ITPKA: variants seen among roughly 807,000 people sequenced by gnomAD.
The protein encoded by ITPKA is inositol-trisphosphate 3-kinase A.
In ITPKA, 16 loss-of-function variants were observed where a neutral mutation model predicts 40.7. The observed-to-expected ratio is 0.39, with a 90% confidence interval of 0.27 to 0.60. ITPKA has a LOEUF of 0.60. ITPKA is among the 20% of genes least tolerant of loss of function. The probability of loss-of-function intolerance (pLI) is 0.50; values close to 1 mark genes in which losing one functional copy is unlikely to be tolerated. For missense variants in ITPKA, 540 were observed against 649.3 expected, an observed-to-expected ratio of 0.83 and a Z score of 1.83; for synonymous variants, 313 against 289.9, an observed-to-expected ratio of 1.08 and a Z score of -0.81.
chr15:41,495,306 C>T (rs1240694436), intron 1 of ITPKA, among the ~76,000 whole-genome samples: 1 of 152,230 alleles, frequency 6.6e-6, no homozygotes, highest in Non-Finnish European at 1.5e-5. Flanking sequence ...TTCTTTAGAT[C>T]CACGTTTCGC....
At position 41,502,956 on chromosome 15, in the gene ITPKA, C is replaced by A; in HGVS notation, c.1183-7C>A. 6.3e-7 allele frequency: 1 copy of A among 1,596,936 alleles called. No homozygotes were observed. Among genetic ancestry groups the A allele is most frequent in the Non-Finnish European group, 8.5e-7 (1 of 1,170,494 alleles). ...AGGGCCGCGGCCTGACGGTGCGGGG[C>A]TCGCAGGTGATCGGCAGCTCGCTCC... is the stretch of plus-strand genomic sequence containing the variant. On this transcript the variant is annotated splice_region_variant and splice_polypyrimidine_tract_variant and intron_variant, in intron 6 of 6. Coordinates refer to ENST00000260386, the MANE Select transcript of ITPKA (RefSeq NM_002220.3).
chr15:41,501,825 T>C lies in ITPKA; in HGVS notation c.777T>C (p.Cys259=), dbSNP rs922414790. ...QDLLDGFDGP[C]VLDCKMGVRT... ...TGCTCGATGGCTTCGACGGACCTTG[T>C]GTGCTCGACTGCAAAATGGGCGTCA... The change falls in exon 3 of 7, where the codon TGT becomes TGC. Residue 259 remains cysteine, a synonymous_variant. Coordinates refer to ENST00000260386, the MANE Select transcript of ITPKA (RefSeq NM_002220.3). 2 of 1,613,296 alleles carry C rather than the reference T, an allele frequency of 1.2e-6. No individual in the cohort carries two copies. Among genetic ancestry groups the C allele is most frequent in the Non-Finnish European group, 1.7e-6 (2 of 1,179,820 alleles).
In ITPKA at chr15:41,493,908, G is replaced by T. The variant is rs2051050862; in HGVS notation, c.-20G>T. The T allele has an allele frequency of 3.0e-6, 3 of 1,006,722 alleles. No homozygotes were observed. Among genetic ancestry groups the T allele is most frequent in the South Asian group, 9.1e-5 (2 of 22,006 alleles). The allele number at this position is 1,006,722 out of a possible 1,614,324, so 62.4% of individuals were successfully genotyped here. ...CGCGCCGCGGGCTGGTGGGCTCAGC[G>T]GCGGCGCCGGCACTGGGAAATGACC... On this transcript the variant is annotated 5_prime_UTR_variant, in exon 1 of 7. Coordinates refer to ENST00000260386, the MANE Select transcript of ITPKA (RefSeq NM_002220.3).
At position 41,502,772 on chromosome 15, in the gene ITPKA, AC is replaced by A. The variant is rs1286849759; in HGVS notation, c.1111-12del. On this transcript the variant is annotated splice_polypyrimidine_tract_variant and intron_variant, in intron 5 of 6. Transcript: ENST00000260386. ...TTTAGTTAATTTGCCCTCCTCTCCC[AC>A]CCCACCCTCTGCAGAGGCGGTATCT... 2 of 1,595,458 alleles carry A rather than the reference AC, an allele frequency of 1.3e-6. No individual in the cohort carries two copies.
chr15:41,503,169 CTG>C lies in ITPKA; in HGVS notation c.*4_*5del. 1 of 1,573,748 alleles carries C rather than the reference CTG, an allele frequency of 6.4e-7. No individual in the cohort carries two copies. The highest frequency in any genetic ancestry group is 8.7e-7 in the Non-Finnish European group (1 of 1,152,524). On this transcript the variant is annotated 3_prime_UTR_variant, in exon 7 of 7. Transcript: ENST00000260386. The stretch of plus-strand genomic sequence containing the variant: ...TGGCCAGCCTGGCTGAGAGATGAGG[CTG>C]GACTCCTGTCCCCGCGGGCCGCTCA...
Position 41,503,384 on chromosome 15 carries a change from T to G in ITPKA, c.*218T>G, listed in dbSNP as rs1269203082. On this transcript the variant is annotated 3_prime_UTR_variant, in exon 7 of 7. Coordinates refer to ENST00000260386, the MANE Select transcript of ITPKA (RefSeq NM_002220.3). ...CCCAGAGCCAAATGACACTAACTTA[T>G]AGAAGGGGAGGGGGCAAAGGGCTTC... 13 of 585,142 alleles carry G rather than the reference T, an allele frequency of 2.2e-5. No individual in the cohort carries two copies. Among genetic ancestry groups the G allele is most frequent in the Middle Eastern group, 3.6e-4 (1 of 2,782 alleles). The allele number at this position is 585,142 out of a possible 1,614,324, so 36.2% of individuals were successfully genotyped here. A position where few individuals can be genotyped will look rare whatever the true frequency, so the allele number is the denominator to read the frequency against.
At position 41,503,298 on chromosome 15, in the gene ITPKA, C is replaced by G. The variant is rs2051137089; in HGVS notation, c.*132C>G. On this transcript the variant is annotated 3_prime_UTR_variant, in exon 7 of 7. Transcript: ENST00000260386. ...TCACCGGGTCCTGCAGGACCAGGTG[C>G]CAGCCACTAAGGGGGGGCACCGCCG... The G allele has an allele frequency of 4.3e-6, 3 of 702,766 alleles. No individual in the cohort carries two copies. In the South Asian group the frequency reaches 5.8e-5, roughly 14 times the overall value. The allele number at this position is 702,766 out of a possible 1,614,324, so 43.5% of individuals were successfully genotyped here. A position where few individuals can be genotyped will look rare whatever the true frequency, so the allele number is the denominator to read the frequency against.
intron 1 of ITPKA, among the ~76,000 whole-genome samples, chr15:41,498,306 CAAAA>C (rs761859856): frequency 1.4e-5 from 1 of 73,694 alleles, no homozygotes. Context: ...GACCTTGTCT[CAAAA>C]AAAAAAAAAA....
intron 6 of ITPKA, 49 bp from the exon 7 acceptor site, chr15:41,502,914 C>T (rs1295142545): frequency 6.2e-7 from 1 of 1,603,698 alleles, no homozygotes; most frequent in Non-Finnish European, 8.5e-7. Flanking sequence ...GGGAACCCGG[C>T]AAGGGCGTCT....
chr15:41,502,702 A>G (rs2051126755), intron 5 of ITPKA, 86 bp from the exon 6 acceptor site: 3 of 1,302,964 alleles, frequency 2.3e-6, no homozygotes, highest in Middle Eastern at 1.9e-4. Flanking sequence ...TGCCAAGCAC[A>G]GCGTGGGTCC....
intron 1 of ITPKA, among the ~76,000 whole-genome samples, chr15:41,495,285 C>T (rs939923998): frequency 1.1e-4 from 17 of 152,358 alleles, no homozygotes; most frequent in East Asian, 3.9e-4. Context: ...CCGTGGTCAG[C>T]GCGAAGGACT....
Position 41,494,373 on chromosome 15 carries a change from G to T in ITPKA, c.446G>T (p.Ser149Ile). The change falls in exon 1 of 7, where the codon AGC (serine) becomes ATC (isoleucine). Residue 149 changes from serine to isoleucine, a missense_variant. By Grantham distance (142) the Ser-to-Ile change is moderately radical. Coordinates refer to ENST00000260386, the MANE Select transcript of ITPKA (RefSeq NM_002220.3). This position sits in a 1 kb window ranked among gnomAD's most constrained non-coding sequence, Gnocchi z 7.8. ...CTGCTGAGCGACAGTGAGAGCCGGA[G>T]CCGCGGCAACGTGCAGCTGGAAGCG... ...DDLLSDSESRSRGNVQLEAGE... is the reference protein window; with the variant it reads ...DDLLSDSESRIRGNVQLEAGE... 1 of 1,500,304 alleles carries T rather than the reference G, an allele frequency of 6.7e-7. No individual in the cohort carries two copies. The highest frequency in any genetic ancestry group is 1.2e-5 in the South Asian group (1 of 80,152). The allele number at this position is 1,500,304 out of a possible 1,614,324, so 92.9% of individuals were successfully genotyped here.
In ITPKA at chr15:41,502,821, G is replaced by T. The variant is rs1266290276; in HGVS notation, c.1144G>T (p.Asp382Tyr). 1 of 1,612,552 alleles carries T rather than the reference G, an allele frequency of 6.2e-7. No homozygotes were observed. Among genetic ancestry groups the T allele is most frequent in the African/African-American group, 1.3e-5 (1 of 74,896 alleles). Residue 382 changes from aspartate (D) to tyrosine (Y), a missense_variant, in exon 6 of 7, where the codon GAC becomes TAC. By Grantham distance (160) the Asp-to-Tyr change is radical. Transcript: ENST00000260386. ...RYLNRLQQIR[D>Y]TLEVSEFFRR... ...TCTGAACCGCCTGCAGCAGATCCGG[G>T]ACACCCTGGAGGTATCCGAGTTCTT...
intron 1 of ITPKA, among the ~76,000 whole-genome samples, chr15:41,497,353 C>G (rs995381614): frequency 6.6e-6 from 1 of 152,086 alleles, no homozygotes; most frequent in Admixed American, 6.6e-5. Flanking sequence ...CTCAGCCTCC[C>G]GAGTAGCTGG....
At chr15:41,498,960 G>T (rs912831723) in intron 1 of ITPKA, among the ~76,000 whole-genome samples, 19 of 152,160 alleles carry the variant, frequency 1.2e-4, no homozygotes, top group African/African-American at 4.6e-4. Flanking sequence ...GGCATGAGGG[G>T]ATGTAACTCC....
rs760994275 is a variant in ITPKA, at chr15:41,503,054, A to G, written c.1274A>G (p.Asp425Gly). The change falls in exon 7 of 7, where the codon GAT becomes GGT. Residue 425 changes from aspartate (D) to glycine (G), a missense_variant. By Grantham distance (94) the Asp-to-Gly change is moderately conservative. Transcript: ENST00000260386. ...TTCGGCAAGACCACGCCCCTCCCCG[A>G]TGGCCAGATCCTGGACCACCGGCGG... is the stretch of plus-strand genomic sequence containing the variant. The part of the protein sequence containing the change: ...IDFGKTTPLP[D>G]GQILDHRRPW... 2 of 1,610,020 alleles carry G rather than the reference A, an allele frequency of 1.2e-6. No homozygotes were observed. Among genetic ancestry groups the G allele is most frequent in the South Asian group, 1.1e-5 (1 of 90,922 alleles).
rs762516764 is a variant in ITPKA at position 41,494,310 on chromosome 15, C to G, written c.383C>G (p.Thr128Ser). ...CTTTCCACCTCGTCGGTCTCCTCCACTGGCTCCTCGTCGCTGCTCGAGGAC... is the reference window on the plus strand; with the variant it reads ...CTTTCCACCTCGTCGGTCTCCTCCAGTGGCTCCTCGTCGCTGCTCGAGGAC... Reference protein sequence around the residue: ...RRLSTSSVSSTGSSSLLEDSE... With the variant: ...RRLSTSSVSSSGSSSLLEDSE... Residue 128 changes from threonine (T) to serine (S), a missense_variant, in exon 1 of 7, where the codon ACT becomes AGT. Coordinates refer to ENST00000260386, the MANE Select transcript of ITPKA (RefSeq NM_002220.3). The surrounding 1 kb of genome is among the most constrained non-coding windows in gnomAD (Gnocchi z 7.8). 2.6e-6 allele frequency: 4 copies of G among 1,540,572 alleles called. No homozygotes were observed. In the African/African-American group the frequency reaches 4.2e-5, roughly 16 times the overall value.
Position 41,503,100 on chromosome 15 carries a change from C to A in ITPKA, c.1320C>A (p.Arg440=), listed in dbSNP as rs766564895. 1.2e-6 allele frequency: 2 copies of A among 1,604,668 alleles called. No individual in the cohort carries two copies. Among genetic ancestry groups the A allele is most frequent in the Admixed American group, 3.3e-5 (2 of 59,794 alleles). ...DHRRPWEEGN[R]EDGYLLGLDN... is the part of the protein sequence containing the mutation. ...GGCGGCCCTGGGAGGAGGGCAACCG[C>A]GAGGACGGCTATTTGCTGGGGCTGG... Residue 440 remains arginine (R), a synonymous_variant, in exon 7 of 7, where the codon CGC becomes CGA. Transcript: ENST00000260386.
intron 1 of ITPKA, among the ~76,000 whole-genome samples, chr15:41,498,187 T>C (rs2140673805): frequency 6.6e-6 from 1 of 151,498 alleles, no homozygotes; most frequent in Admixed American, 6.6e-5. Context: ...ACATCTGTAG[T>C]CCCAGCTACT....
Sources: allele counts gnomAD v4.1 joint callset (sites outside exome capture counted in the v4.1 genomes callset), GRCh38; gene constraint gnomAD v4.1.1; non-coding constraint Gnocchi (gnomAD v3.1); transcripts MANE v1.5; gene names NCBI Gene and HGNC (gene_info 2026-07-23, HGNC 2026-07-21).